The following PPT1 variants were observed in gnomAD, a reference collection of about 807,000 sequenced individuals.
PPT1 encodes ceroid-palmitoyl-palmitoyl-protein thioesterase 1.
A neutral mutation model predicts 44.0 loss-of-function variants in PPT1; 24 were observed. The ratio of observed to expected loss-of-function variants is 0.54; its 90% CI spans 0.39 to 0.77. PPT1 has a LOEUF of 0.77. PPT1 is among the 30% of genes least tolerant of loss of function. PPT1 has a pLI of 0.00. For missense variants in PPT1, 341 were observed against 378.8 expected (o/e 0.90, Z 0.83); for synonymous variants, 148 against 140.2 (o/e 1.06, Z -0.39).
chr1:40,080,792 A>T (rs1297720569), intron 5 of PPT1, among the ~76,000 whole-genome samples: 1 of 152,076 alleles, frequency 6.6e-6, no homozygotes, highest in East Asian at 1.9e-4. Flanking sequence ...GAGAACTGCT[A>T]GAACCCCGGC....
chr1:40,094,919 T>G (rs1419702376), intron 1 of PPT1, among the ~76,000 whole-genome samples: 1 of 152,208 alleles, frequency 6.6e-6, no homozygotes, highest in Non-Finnish European at 1.5e-5. Context: ...TGTCCTCTTT[T>G]GACCCCACTG....
intron 3 of PPT1, 69 bp from the exon 4 acceptor site, chr1:40,091,468 A>T: frequency 7.2e-7 from 1 of 1,381,460 alleles, no homozygotes; most frequent in Non-Finnish European, 1.0e-6. Context: ...TCAGCATCAC[A>T]GATTAAGCTA....
chr1:40,077,592 T>C (rs1225878918), intron 7 of PPT1, among the ~76,000 whole-genome samples: 1 of 152,216 alleles, frequency 6.6e-6, no homozygotes, highest in Non-Finnish European at 1.5e-5. Context: ...CCAAAACGGG[T>C]AGCAGGATGG....
At chr1:40,097,084 C>T (rs769497162) in intron 1 of PPT1, 31 bp downstream of exon 1, 1 of 1,613,972 alleles carries the variant, frequency 6.2e-7, no homozygotes, top group Admixed American at 1.7e-5. Flanking sequence ...GAGAGAATCG[C>T]CAAACCCTTT....
At chr1:40,083,228 A>G (rs3122431) in intron 5 of PPT1, among the ~76,000 whole-genome samples, 99,794 of 152,082 alleles carry the variant, frequency 0.66, 33,493 homozygotes, top group Non-Finnish European at 0.73. Context: ...TAGGAGGACC[A>G]TTTGAGGCCA....
At chr1:40,071,915 CT>C (rs915042971), downstream of PPT1, 3 of 412,566 alleles carry the variant, frequency 7.3e-6, no homozygotes, top group African/African-American at 4.1e-5. Flanking sequence ...ACTGGTTAAT[CT>C]TTTTTTAACA....
At chr1:40,076,111 G>A (rs762128558) in intron 8 of PPT1, among the ~76,000 whole-genome samples, 9 of 151,968 alleles carry the variant, frequency 5.9e-5, no homozygotes, top group Non-Finnish European at 1.2e-4. Flanking sequence ...CCTCCTGCAG[G>A]AGCCTCCCTT....
Position 40,074,023 on chromosome 1 carries a change from TA to T in PPT1, c.*37del, listed in dbSNP as rs540732728. 191 of 1,613,526 alleles carry T rather than the reference TA, an allele frequency of 1.2e-4. No individual in the cohort carries two copies. The East Asian group carries it at 3.9e-3, about 33-fold the overall frequency. On this transcript the variant is annotated 3_prime_UTR_variant, in exon 9 of 9. Transcript: ENST00000642050. ...TGTCTCCCATGTGGTTTGGAAGAGT[TA>T]GGGGCTCCCTGAGCTCTATTGTGAA...
chr1:40,081,757 A>T (rs918665917), intron 5 of PPT1, among the ~76,000 whole-genome samples: 1 of 152,052 alleles, frequency 6.6e-6, no homozygotes, highest in African/African-American at 2.4e-5. Context: ...AAAACAGACT[A>T]ATACAGTAAA....
intron 5 of PPT1, among the ~76,000 whole-genome samples, chr1:40,084,792 C>CAGAG (rs1446875968): frequency 6.6e-6 from 1 of 152,190 alleles, no homozygotes; most frequent in East Asian, 1.9e-4. Flanking sequence ...CCAGGCCATA[C>CAGAG]AGAGATAGGA....
At chr1:40,096,815 T>C (rs1649875067) in intron 1 of PPT1, 5 of 431,692 alleles carry the variant, frequency 1.2e-5, no homozygotes, top group Non-Finnish European at 2.1e-5. Flanking sequence ...TCACCTAGCC[T>C]GACCAAGTGA....
At chr1:40,085,021 G>A (rs1197682715) in intron 5 of PPT1, among the ~76,000 whole-genome samples, 1 of 152,230 alleles carries the variant, frequency 6.6e-6, no homozygotes, top group Non-Finnish European at 1.5e-5. Flanking sequence ...TTCCCCGGGG[G>A]AGTTTAGAGA....
At chr1:40,072,266 A>C (rs1188909590), downstream of PPT1, 2 of 302,894 alleles carry the variant, frequency 6.6e-6, no homozygotes, top group African/African-American at 6.1e-5. Context: ...AAAAAAAAAA[A>C]AAAAACCCAC....
intron 8 of PPT1, among the ~76,000 whole-genome samples, chr1:40,074,467 C>CT (rs1648497721): frequency 8.0e-6 from 1 of 124,640 alleles, no homozygotes; most frequent in Admixed American, 9.3e-5. Flanking sequence ...CTCTGTCTCT[C>CT]TTTCTCTTTC....
Position 40,089,467 on chromosome 1 carries a change from C to T in PPT1, c.479G>A (p.Cys160Tyr). Residue 160 changes from cysteine (C) to tyrosine (Y), a missense_variant, in exon 5 of 9, where the codon TGT (cysteine) becomes TAT (tyrosine). Coordinates refer to ENST00000642050, the MANE Select transcript of PPT1 (RefSeq NM_000310.4). ...ATTCAGTGTTTTTCGGATGAAGTCA[C>T]AGATGTGAGAGCTCTCTCCTGGGCA... ...PRCPGESSHI[C>Y]DFIRKTLNAG... 3 of 1,614,038 alleles carry T rather than the reference C, an allele frequency of 1.9e-6. No homozygotes were observed. The highest frequency in any genetic ancestry group is 2.5e-6 in the Non-Finnish European group (3 of 1,179,992).
rs571077804 is a variant in PPT1, at chr1:40,080,253, G to C, written c.627+144C>G. On this transcript the variant is annotated intron_variant, in intron 6 of 8. Coordinates refer to ENST00000642050, the MANE Select transcript of PPT1 (RefSeq NM_000310.4). Reference sequence around the variant, plus strand: ...CCCTAAAGGGAACTGAATCTCAAAGGCCCTGCCTCCCAAAAAAAACAGAAC... The same window carrying C: ...CCCTAAAGGGAACTGAATCTCAAAGCCCCTGCCTCCCAAAAAAAACAGAAC... 25 of 846,546 alleles carry C rather than the reference G, an allele frequency of 3.0e-5. No individual in the cohort carries two copies. The East Asian group carries it at 4.5e-4, about 15-fold the overall frequency. The allele number at this position is 846,546 out of a possible 1,614,324, so 52.4% of individuals were successfully genotyped here. A position where few individuals can be genotyped will look rare whatever the true frequency, so the allele number is the denominator to read the frequency against.
intron 4 of PPT1, among the ~76,000 whole-genome samples, chr1:40,090,348 ATG>A (rs566610286): frequency 1.3e-4 from 20 of 151,944 alleles, no homozygotes; most frequent in African/African-American, 4.3e-4. Context: ...ATATATATAT[ATG>A]TGTGTGTGTA....
rs1649622343 is a variant in PPT1 at position 40,092,449 on chromosome 1, T to C, written c.183A>G (p.Lys61=). The C allele has an allele frequency of 6.2e-7, 1 of 1,613,922 alleles. No individual in the cohort carries two copies. The highest frequency in any genetic ancestry group is 1.1e-5 in the South Asian group (1 of 91,086). ...AAGATAAGACGTAAATTCCAGGTAT[T>C]TTCTTCTCCACCATTTTTTTAATAG... is the stretch of plus-strand genomic sequence containing the variant. The part of the protein sequence containing the change: ...MGAIKKMVEK[K]IPGIYVLSLE... Residue 61 remains lysine, a synonymous_variant, in exon 2 of 9, where the codon AAA becomes AAG. Transcript: ENST00000642050.
chr1:40,080,865 C>T (rs1017835192), intron 5 of PPT1, among the ~76,000 whole-genome samples: 5 of 152,108 alleles, frequency 3.3e-5, no homozygotes, highest in African/African-American at 9.7e-5. Context: ...CAGAGTGAGA[C>T]TCTGTCTCAA....
Sources: allele counts gnomAD v4.1 joint callset (sites outside exome capture counted in the v4.1 genomes callset), GRCh38; gene constraint gnomAD v4.1.1; transcripts MANE v1.5; gene names NCBI Gene and HGNC (gene_info 2026-07-23, HGNC 2026-07-21).